Variants in CACNA1A observed in about 807,000 individuals in gnomAD.
CACNA1A encodes calcium voltage-gated channel subunit alpha1 A.
In CACNA1A, 57 loss-of-function variants were observed where a neutral mutation model predicts 262.4. The observed-to-expected ratio is 0.22, with a 90% CI of 0.18 to 0.27. The LOEUF is 0.27. CACNA1A is among the 10% of genes least tolerant of loss of function. CACNA1A has a pLI of 1.00. For synonymous variants in CACNA1A, 1,431 were observed against 1,419.3 expected (o/e 1.01, Z -0.18); for missense variants, 2,526 against 3,562.8 (o/e 0.71, Z 7.41).
intron 38 of CACNA1A, among the ~76,000 whole-genome samples, chr19:13,223,717 T>G (rs2055325143): frequency 6.6e-6 from 1 of 152,156 alleles, no homozygotes; most frequent in African/African-American, 2.4e-5. Flanking sequence ...TCAGGGCCTT[T>G]GCCAGTCCTT....
intron 29 of CACNA1A, 62 bp downstream of exon 29, chr19:13,255,032 CA>C: frequency 6.5e-7 from 1 of 1,547,418 alleles, no homozygotes. Context: ...TTCATTTTAT[CA>C]GGGTAGAGGC....
chr19:13,239,817 GCA>G (rs1263069746), intron 31 of CACNA1A, among the ~76,000 whole-genome samples: 1 of 151,954 alleles, frequency 6.6e-6, no homozygotes, highest in Non-Finnish European at 1.5e-5. Context: ...GTGCATGCAT[GCA>G]TGACTGTATG....
intron 3 of CACNA1A, among the ~76,000 whole-genome samples, chr19:13,384,863 G>A (rs1307956198): frequency 1.3e-5 from 2 of 152,154 alleles, no homozygotes; most frequent in African/African-American, 4.8e-5. Flanking sequence ...TCTTGCGGGG[G>A]CTGATGGTTG....
At chr19:13,424,054 A>G (rs1022380218) in intron 3 of CACNA1A, among the ~76,000 whole-genome samples, 1 of 152,054 alleles carries the variant, frequency 6.6e-6, no homozygotes, top group African/African-American at 2.4e-5. Context: ...TTCATTTAAC[A>G]ATCAAAACAG....
intron 3 of CACNA1A, among the ~76,000 whole-genome samples, chr19:13,380,770 TTTA>T (rs2059511223): frequency 6.6e-6 from 1 of 150,484 alleles, no homozygotes; most frequent in Non-Finnish European, 1.5e-5. Flanking sequence ...TATTTATTTA[TTTA>T]TTTATTTATT....
intron 1 of CACNA1A, among the ~76,000 whole-genome samples, chr19:13,484,710 TAGGATAAA>T (rs1979770253): frequency 6.6e-6 from 1 of 152,208 alleles, no homozygotes; most frequent in African/African-American, 2.4e-5. Context: ...ACAGTGCCTT[TAGGATAAA>T]TATCAAACTC....
intron 3 of CACNA1A, among the ~76,000 whole-genome samples, chr19:13,446,847 T>A (rs2060824998): frequency 6.6e-6 from 1 of 151,862 alleles, no homozygotes; most frequent in South Asian, 2.1e-4. Flanking sequence ...CACCTCAGCT[T>A]CCAGTAGCTG....
Position 13,267,148 on chromosome 19 carries a change from A to G in CACNA1A, c.3990-4315T>C, listed in dbSNP as rs997709624. On this transcript the variant is annotated intron_variant, in intron 24 of 46. Transcript: ENST00000360228. ...AGAATATGAGAGAGAGAGAGAGAGA[A>G]AGAGAGAGAGAGAGAAAGATAGAGA... is the stretch of plus-strand genomic sequence containing the variant. Among the ~76,000 whole-genome samples the G allele has an allele frequency of 5.3e-5, 8 of 151,226 alleles. No individual in the cohort carries two copies. The East Asian group carries it at 1.2e-3, about 22-fold the overall frequency.
chr19:13,261,697 C>T (rs1259475453), intron 25 of CACNA1A, 87 bp from the exon 26 acceptor site: 2 of 1,290,942 alleles, frequency 1.5e-6, no homozygotes, highest in East Asian at 2.5e-5. Context: ...CAAAATACTG[C>T]CATGATCATT....
chr19:13,437,344 C>G (rs1460988715), intron 3 of CACNA1A, among the ~76,000 whole-genome samples: 2 of 152,170 alleles, frequency 1.3e-5, no homozygotes, highest in African/African-American at 2.4e-5. Flanking sequence ...CTACGCCGGC[C>G]TCGGTTTCCA....
Position 13,307,794 on chromosome 19 carries a change from C to T in CACNA1A, c.1974G>A (p.Met658Ile). ...GTGGAGGCTGTACCTGAAACACCGT[C>T]ATTATTGCTGCTGGAAAAGTATCGA... ...TNFDTFPAAI[M>I]TVFQILTGED... Residue 658 changes from methionine to isoleucine, a missense_variant, in exon 15 of 47, where the codon ATG becomes ATA. Around this residue, in one of 17 missense-constraint regions of CACNA1A, gnomAD observed 102 missense variants for 278.9 expected, o/e 0.37. Transcript: ENST00000360228. 1 of 1,614,000 alleles carries T rather than the reference C, an allele frequency of 6.2e-7. No individual in the cohort carries two copies. Among genetic ancestry groups the T allele is most frequent in the Non-Finnish European group, 8.5e-7 (1 of 1,179,860 alleles).
intron 11 of CACNA1A, among the ~76,000 whole-genome samples, chr19:13,313,272 C>T (rs1018054465): frequency 3.9e-5 from 6 of 152,050 alleles, no homozygotes; most frequent in South Asian, 2.1e-4. Flanking sequence ...GAGGCCTAGG[C>T]GGTCAGATCA....
chr19:13,429,777 T>C (rs890961530), intron 3 of CACNA1A, among the ~76,000 whole-genome samples: 1 of 151,594 alleles, frequency 6.6e-6, no homozygotes, highest in Non-Finnish European at 1.5e-5. Context: ...TGGAATACGA[T>C]TCGGCCTGGA....
chr19:13,318,567 C>T (rs769337591), intron 10 of CACNA1A, among the ~76,000 whole-genome samples: 5 of 151,938 alleles, frequency 3.3e-5, no homozygotes, highest in Non-Finnish European at 7.4e-5. Context: ...GAGGTGAGGA[C>T]GGGAGCTGGG....
chr19:13,212,035 G>A lies in CACNA1A; in HGVS notation c.6303+68C>T, dbSNP rs553463202. Reference sequence around the variant, plus strand: ...GGAGGGGATGCACTGGGCTGCTTGTGGGGGGGCCTGGCCCTACCCAGTGCA... The same window carrying A: ...GGAGGGGATGCACTGGGCTGCTTGTAGGGGGGCCTGGCCCTACCCAGTGCA... On this transcript the variant is annotated intron_variant, in intron 43 of 46. Coordinates refer to ENST00000360228, the MANE Select transcript of CACNA1A (RefSeq NM_001127222.2). This position sits in a 1 kb window ranked among gnomAD's most constrained non-coding sequence, Gnocchi z 5.6. The A allele has an allele frequency of 2.6e-6, 3 of 1,138,854 alleles. No individual in the cohort carries two copies. The highest frequency in any genetic ancestry group is 1.3e-6 in the Non-Finnish European group (1 of 771,720). The allele number at this position is 1,138,854 out of a possible 1,614,324, so 70.5% of individuals were successfully genotyped here. A position where few individuals can be genotyped will look rare whatever the true frequency, so the allele number is the denominator to read the frequency against.
At chr19:13,400,364 C>T (rs1310268379) in intron 3 of CACNA1A, among the ~76,000 whole-genome samples, 1 of 152,074 alleles carries the variant, frequency 6.6e-6, no homozygotes, top group Non-Finnish European at 1.5e-5. Context: ...CACCAATTAC[C>T]CCTGTCTTGA....
chr19:13,336,641 A>AGAGAG (rs1568547680), intron 6 of CACNA1A, among the ~76,000 whole-genome samples: 17 of 46,786 alleles, frequency 3.6e-4, no homozygotes, highest in Middle Eastern at 0.016. Flanking sequence ...GAGAGAGAGA[A>AGAGAG]AAGAATGATA....
intron 6 of CACNA1A, among the ~76,000 whole-genome samples, chr19:13,345,297 G>A (rs2058744182): frequency 6.6e-6 from 1 of 152,198 alleles, no homozygotes; most frequent in African/African-American, 2.4e-5. Flanking sequence ...ACAGGGTGCA[G>A]ATGGCATGGG....
intron 6 of CACNA1A, among the ~76,000 whole-genome samples, chr19:13,344,891 A>G (rs2058737236): frequency 6.6e-6 from 1 of 151,934 alleles, no homozygotes. Context: ...AGTAGCTGGG[A>G]TTACAGGCAC....
Sources: allele counts gnomAD v4.1 joint callset (sites outside exome capture counted in the v4.1 genomes callset), GRCh38; gene constraint gnomAD v4.1.1; regional missense constraint gnomAD v4.1.1; non-coding constraint Gnocchi (gnomAD v3.1); transcripts MANE v1.5; gene names NCBI Gene and HGNC (gene_info 2026-07-23, HGNC 2026-07-21).